The following JAKMIP1 variants were observed in gnomAD, a reference collection of about 807,000 sequenced individuals.
JAKMIP1 encodes the protein janus kinase and microtubule-interacting protein 1.
A neutral mutation model predicts 113.0 loss-of-function variants in JAKMIP1; 33 were observed. The ratio of observed to expected loss-of-function variants is 0.29; its 90% CI spans 0.22 to 0.39. The LOEUF is 0.39. Among genes scored for constraint, JAKMIP1 ranks in the 10% least tolerant of loss-of-function variants. The pLI, the probability that JAKMIP1 is intolerant of heterozygous loss-of-function variation, is 1.00. For missense variants in JAKMIP1, 813 were observed against 1,080.5 expected, an observed-to-expected ratio of 0.75 and a Z score of 3.47; for synonymous variants, 480 against 459.9, an observed-to-expected ratio of 1.04 and a Z score of -0.56.
chr4:6,140,272 GGGA>G lies in JAKMIP1; in HGVS notation c.-147-27278_-147-27276del, dbSNP rs1451442402. 6.7e-6 allele frequency among the ~76,000 whole-genome samples: 1 copy of G among 150,046 alleles called. No individual in the cohort carries two copies. The highest frequency in any genetic ancestry group is 2.5e-5 in the African/African-American group (1 of 40,674). Reference sequence around the variant, plus strand: ...CCTCTTTTTTTTTTTTTTTTCTGTGGGGAGGGACTTTCACCAACATTTGTGTGA... The same window carrying G: ...CCTCTTTTTTTTTTTTTTTTCTGTGGGGGACTTTCACCAACATTTGTGTGA... On this transcript the variant is annotated intron_variant, in intron 1 of 20. Transcript: ENST00000409021. This position sits in a 1 kb window ranked among gnomAD's most constrained non-coding sequence, Gnocchi z 9.4.
At position 6,080,999 on chromosome 4, in the gene JAKMIP1, A is replaced by ACACACACACACACACT. The variant is rs1430525394; in HGVS notation, c.1101+609_1101+610insAGTGTGTGTGTGTGTG. 6.6e-6 allele frequency among the ~76,000 whole-genome samples: 1 copy of ACACACACACACACACT among 151,812 alleles called. No individual in the cohort carries two copies. Among genetic ancestry groups the ACACACACACACACACT allele is most frequent in the East Asian group, 1.9e-4 (1 of 5,180 alleles). On this transcript the variant is annotated intron_variant, in intron 6 of 20. Transcript: ENST00000409021. This position sits in a 1 kb window ranked among gnomAD's most constrained non-coding sequence, Gnocchi z 6.0. ...CAACAGCAATTACACACACACACAC[A>ACACACACACACACACT]CACACACACACACACCTGCATCTGC...
At chr4:6,055,772 G>A (rs932065405) in intron 12 of JAKMIP1, among the ~76,000 whole-genome samples, 5 of 150,946 alleles carry the variant, frequency 3.3e-5, no homozygotes, top group Non-Finnish European at 7.4e-5. Context: ...ATCCCCAAAG[G>A]ACAGGGCAGC....
At chr4:6,189,383 G>A (rs1726988056) in intron 1 of JAKMIP1, among the ~76,000 whole-genome samples, 1 of 152,212 alleles carries the variant, frequency 6.6e-6, no homozygotes, top group Non-Finnish European at 1.5e-5. Context: ...TATAGTATCT[G>A]AGGCTCAGAC....
At position 6,138,012 on chromosome 4, in the gene JAKMIP1, C is replaced by A. The variant is rs1010371121; in HGVS notation, c.-147-25015G>T. Among the ~76,000 whole-genome samples the A allele has an allele frequency of 4.6e-5, 7 of 152,186 alleles. No individual in the cohort carries two copies. Among genetic ancestry groups the A allele is most frequent in the Non-Finnish European group, 8.8e-5 (6 of 68,034 alleles). On this transcript the variant is annotated intron_variant, in intron 1 of 20. Transcript: ENST00000409021. This position sits in a 1 kb window ranked among gnomAD's most constrained non-coding sequence, Gnocchi z 6.0. ...GACAGTGGCTCCCAATGCCCCAGCTCCCAGAGGTGGCAGAGGTGGCAGCTC... is the reference window on the plus strand; with the variant it reads ...GACAGTGGCTCCCAATGCCCCAGCTACCAGAGGTGGCAGAGGTGGCAGCTC...
In JAKMIP1 at chr4:6,154,744, AC is replaced by A. The variant is rs1340857722; in HGVS notation, c.-147-41748del. On this transcript the variant is annotated intron_variant, in intron 1 of 20. Coordinates refer to ENST00000409021, the MANE Select transcript of JAKMIP1 (RefSeq NM_001099433.2). This position sits in a 1 kb window ranked among gnomAD's most constrained non-coding sequence, Gnocchi z 4.2. ...CTACCCAGCCCACTCCTAACTCCCC[AC>A]CCCCAGCCATCATGAACTACAGACA... Among the ~76,000 whole-genome samples the A allele has an allele frequency of 1.3e-5, 2 of 150,910 alleles. No individual in the cohort carries two copies. Among genetic ancestry groups the A allele is most frequent in the Admixed American group, 6.6e-5 (1 of 15,166 alleles).
At chr4:6,103,381 C>G (rs1713406321) in intron 3 of JAKMIP1, among the ~76,000 whole-genome samples, 1 of 152,156 alleles carries the variant, frequency 6.6e-6, no homozygotes, top group African/African-American at 2.4e-5. Flanking sequence ...GACTTATTAG[C>G]CTTCCTATGT....
intron 12 of JAKMIP1, 52 bp downstream of exon 12, chr4:6,056,645 G>A (rs368899420): frequency 7.8e-5 from 110 of 1,417,240 alleles, no homozygotes; most frequent in East Asian, 7.0e-4. Flanking sequence ...GCAGGCCCGC[G>A]GGGTCCCAAC....
At chr4:6,036,622 G>A (rs1338326763) in intron 18 of JAKMIP1, among the ~76,000 whole-genome samples, 1 of 152,138 alleles carries the variant, frequency 6.6e-6, no homozygotes, top group African/African-American at 2.4e-5. Flanking sequence ...ACAAAAGCAA[G>A]CCACCCTTTT....
intron 12 of JAKMIP1, chr4:6,054,913 A>C (rs1716155154): frequency 1.1e-5 from 5 of 454,354 alleles, no homozygotes; most frequent in South Asian, 7.8e-5. Context: ...AGACCTTTAG[A>C]AATGGGATGA....
rs1472559599 is a variant in JAKMIP1 at position 6,200,261 on chromosome 4, C to T, written c.-156G>A. The stretch of plus-strand genomic sequence containing the variant: ...GGCGCACCTGTACCCACCTGCTCGG[C>T]GCTCAGGCCCGAGCCGGGCAGCAGC... On this transcript the variant is annotated 5_prime_UTR_variant, in exon 1 of 21. Coordinates refer to ENST00000409021, the MANE Select transcript of JAKMIP1 (RefSeq NM_001099433.2). This position sits in a 1 kb window ranked among gnomAD's most constrained non-coding sequence, Gnocchi z 7.0. 2 of 152,018 alleles carry T rather than the reference C, an allele frequency of 1.3e-5. No individual in the cohort carries two copies. Among genetic ancestry groups the T allele is most frequent in the Admixed American group, 1.3e-4 (2 of 15,266 alleles). The allele number at this position is 152,018 out of a possible 1,614,324, so 9.4% of individuals were successfully genotyped here.
At chr4:6,075,136 T>C (rs1407472184) in intron 8 of JAKMIP1, among the ~76,000 whole-genome samples, 1 of 152,134 alleles carries the variant, frequency 6.6e-6, no homozygotes, top group Non-Finnish European at 1.5e-5. Context: ...GCCACTGCAC[T>C]CCAGCCTGGT....
In JAKMIP1 at chr4:6,116,916, C is replaced by T. The variant is rs934256537; in HGVS notation, c.-147-3919G>A. ...GTGGGGAGGGCAAACTGCCAGACCACGTGGGGGTTCTACACCAAGCACAGA... is the reference window on the plus strand; with the variant it reads ...GTGGGGAGGGCAAACTGCCAGACCATGTGGGGGTTCTACACCAAGCACAGA... On this transcript the variant is annotated intron_variant, in intron 1 of 20. Coordinates refer to ENST00000409021, the MANE Select transcript of JAKMIP1 (RefSeq NM_001099433.2). The surrounding 1 kb of genome is among the most constrained non-coding windows in gnomAD (Gnocchi z 5.1). 6.6e-5 allele frequency among the ~76,000 whole-genome samples: 10 copies of T among 152,182 alleles called. No homozygotes were observed. Among genetic ancestry groups the T allele is most frequent in the Admixed American group, 2.0e-4 (3 of 15,282 alleles).
intron 1 of JAKMIP1, among the ~76,000 whole-genome samples, chr4:6,145,222 C>T (rs1374359462): frequency 2.6e-5 from 4 of 152,188 alleles, no homozygotes; most frequent in Non-Finnish European, 5.9e-5. Flanking sequence ...GCACCAGCCC[C>T]ATGCAAGGCA....
At position 6,041,129 on chromosome 4, in the gene JAKMIP1, G is replaced by A. The variant is rs577804112; in HGVS notation, c.2098-413C>T. On this transcript the variant is annotated intron_variant, in intron 17 of 20. Coordinates refer to ENST00000409021, the MANE Select transcript of JAKMIP1 (RefSeq NM_001099433.2). The stretch of plus-strand genomic sequence containing the variant: ...GCCTGAATTGCATCACCCACCTCCC[G>A]ATTGGTCTCACTGAGCACACTTCTC... Among the ~76,000 whole-genome samples the A allele has an allele frequency of 9.2e-5, 14 of 152,132 alleles. No homozygotes were observed. In the East Asian group the frequency reaches 1.4e-3, roughly 15 times the overall value.
At chr4:6,182,424 A>AG (rs1488466484) in intron 1 of JAKMIP1, among the ~76,000 whole-genome samples, 1 of 103,542 alleles carries the variant, frequency 9.7e-6, no homozygotes, top group Non-Finnish European at 2.3e-5. Flanking sequence ...AAAAAAAAAA[A>AG]AAGAAAGAAA....
chr4:6,196,420 T>C (rs933179355), intron 1 of JAKMIP1, among the ~76,000 whole-genome samples: 5 of 151,988 alleles, frequency 3.3e-5, no homozygotes, highest in Non-Finnish European at 7.4e-5. Flanking sequence ...GCAAAGAAAA[T>C]ACTTTCTGAA....
In JAKMIP1 at chr4:6,155,060, A is replaced by G. The variant is rs1268001496; in HGVS notation, c.-147-42063T>C. ...CCCGAGCAGTGGGAAGACAGTCGGG[A>G]GATGCCAGCCCAGCCTGCTGGGAAG... On this transcript the variant is annotated intron_variant, in intron 1 of 20. Transcript: ENST00000409021. The surrounding 1 kb of genome is among the most constrained non-coding windows in gnomAD (Gnocchi z 6.1). 6.6e-6 allele frequency among the ~76,000 whole-genome samples: 1 copy of G among 152,120 alleles called. No homozygotes were observed. Among genetic ancestry groups the G allele is most frequent in the Non-Finnish European group, 1.5e-5 (1 of 68,016 alleles).
chr4:6,124,789 G>A (rs1216530601), intron 1 of JAKMIP1, among the ~76,000 whole-genome samples: 1 of 152,198 alleles, frequency 6.6e-6, no homozygotes, highest in African/African-American at 2.4e-5. Context: ...CCTTCTAACT[G>A]TCCCCAGTAC....
At position 6,049,053 on chromosome 4, in the gene JAKMIP1, A is replaced by G; in HGVS notation, c.1963-131T>C. Reference sequence around the variant, plus strand: ...ATTATGTTTGTTTGTTTTGAGACGGAGTCTCTCTCTGTCACCTGGGTTTGA... The same window carrying G: ...ATTATGTTTGTTTGTTTTGAGACGGGGTCTCTCTCTGTCACCTGGGTTTGA... On this transcript the variant is annotated intron_variant, in intron 15 of 20. Transcript: ENST00000409021. This position sits in a 1 kb window ranked among gnomAD's most constrained non-coding sequence, Gnocchi z 7.0. 1 of 696,640 alleles carries G rather than the reference A, an allele frequency of 1.4e-6. No individual in the cohort carries two copies. The highest frequency in any genetic ancestry group is 2.5e-6 in the Non-Finnish European group (1 of 400,950). The allele number at this position is 696,640 out of a possible 1,614,324, so 43.2% of individuals were successfully genotyped here.
Sources: gnomAD v4.1 joint callset for allele counts (sites outside exome capture counted in the v4.1 genomes callset) on GRCh38, gnomAD v4.1.1 for gene constraint, Gnocchi (gnomAD v3.1) non-coding constraint, MANE v1.5 for transcripts, NCBI Gene and HGNC (gene_info 2026-07-23, HGNC 2026-07-21) for gene names.